The following FAM133B variants were observed in gnomAD, a reference collection of about 807,000 sequenced individuals.
The protein encoded by FAM133B is protein FAM133B.
Under a neutral mutation model 46.4 loss-of-function variants are expected in FAM133B, and 25 were observed. That is an observed-to-expected ratio of 0.54 (90% confidence interval 0.39 to 0.75). The LOEUF (loss-of-function observed/expected upper bound fraction) is 0.75, where lower values mean the gene tolerates loss of function less well. Ranked by LOEUF, FAM133B falls within the 30% of genes least tolerant of loss-of-function variation. The pLI is 0.00. For synonymous variants in FAM133B, 75 were observed against 86.0 expected (o/e 0.87, Z 0.71); for missense variants, 205 against 277.6 (o/e 0.74, Z 1.86).
At chr7:92,588,768 T>C (rs1020076807) in intron 1 of FAM133B, among the ~76,000 whole-genome samples, 1 of 152,116 alleles carries the variant, frequency 6.6e-6, no homozygotes, top group Non-Finnish European at 1.5e-5. Context: ...TGCATAGAGA[T>C]GATTTCTCAA....
chr7:92,573,787 C>G (rs1299771955), intron 8 of FAM133B, among the ~76,000 whole-genome samples: 3 of 151,868 alleles, frequency 2.0e-5, no homozygotes, highest in Non-Finnish European at 1.5e-5. Flanking sequence ...TTTCCTTGAT[C>G]AGTTAATATG....
intron 7 of FAM133B, 115 bp downstream of exon 7, chr7:92,576,988 G>T: frequency 3.8e-6 from 2 of 530,732 alleles, no homozygotes; most frequent in Non-Finnish European, 6.2e-6. Flanking sequence ...AAGTGGCATA[G>T]AACATCAAAG....
intron 7 of FAM133B, 74 bp downstream of exon 7, chr7:92,577,029 T>G: frequency 1.2e-6 from 1 of 864,492 alleles, no homozygotes; most frequent in Non-Finnish European, 1.7e-6. Flanking sequence ...ATTTTTAAAT[T>G]GAGAGCAACT....
intron 2 of FAM133B, among the ~76,000 whole-genome samples, chr7:92,580,262 CATAA>C (rs938925052): frequency 2.0e-5 from 3 of 149,252 alleles, no homozygotes; most frequent in African/African-American, 7.4e-5. Flanking sequence ...AAAAAAAACA[CATAA>C]ATATTTTTTG....
intron 8 of FAM133B, among the ~76,000 whole-genome samples, chr7:92,572,835 G>T (rs982015281): frequency 6.6e-6 from 1 of 152,142 alleles, no homozygotes; most frequent in African/African-American, 2.4e-5. Context: ...TTCATAAAAA[G>T]GAGAACGGAG....
chr7:92,565,032 A>G (rs1794296679), intron 10 of FAM133B, among the ~76,000 whole-genome samples: 2 of 152,280 alleles, frequency 1.3e-5, no homozygotes, highest in South Asian at 4.1e-4. Context: ...TGTTATTACC[A>G]GATTTGGCTG....
At chr7:92,565,458 C>CTT (rs1210807823) in intron 10 of FAM133B, 1 of 141,738 alleles carries the variant, frequency 7.1e-6, no homozygotes, top group African/African-American at 2.6e-5. Context: ...CCCACCTGAG[C>CTT]TTATATATAT....
At chr7:92,584,887 AGCCAGG>A (rs1794996078) in intron 1 of FAM133B, among the ~76,000 whole-genome samples, 2 of 152,122 alleles carry the variant, frequency 1.3e-5, no homozygotes, top group African/African-American at 4.8e-5. Flanking sequence ...TGGCCCAAAA[AGCCAGG>A]TGCACTGGCT....
At chr7:92,581,662 C>G (rs1473920615) in intron 1 of FAM133B, 59 bp from the exon 2 acceptor site, 53 of 1,326,446 alleles carry the variant, frequency 4.0e-5, no homozygotes, top group Non-Finnish European at 5.4e-5. Context: ...CAAAACCTCA[C>G]TTACTCATCA....
chr7:92,569,720 G>T, intron 9 of FAM133B, 103 bp downstream of exon 9: 1 of 563,770 alleles, frequency 1.8e-6, no homozygotes, highest in Non-Finnish European at 2.9e-6. Flanking sequence ...TACTAGAAAG[G>T]TGAATAAATT....
intron 1 of FAM133B, among the ~76,000 whole-genome samples, chr7:92,585,844 G>C (rs111276517): frequency 6.6e-6 from 1 of 152,078 alleles, no homozygotes; most frequent in Non-Finnish European, 1.5e-5. Context: ...CATTATTATA[G>C]TAATAAAGGT....
At chr7:92,590,239 C>T (rs1458894933) in intron 1 of FAM133B, 29 bp downstream of exon 1, 6 of 1,613,598 alleles carry the variant, frequency 3.7e-6, no homozygotes, top group African/African-American at 1.3e-5. Context: ...CCCTGCGTCG[C>T]CCCACTGTTT....
At chr7:92,566,729 A>G (rs1002998535) in intron 9 of FAM133B, among the ~76,000 whole-genome samples, 2 of 152,222 alleles carry the variant, frequency 1.3e-5, no homozygotes, top group Non-Finnish European at 1.5e-5. Context: ...TAAAATGTAG[A>G]TAATATCCAC....
intron 1 of FAM133B, among the ~76,000 whole-genome samples, chr7:92,583,393 C>T (rs977166110): frequency 1.6e-4 from 24 of 152,132 alleles, no homozygotes; most frequent in Admixed American, 2.6e-4. Context: ...ATGATGGTTG[C>T]ACAACACTAT....
Position 92,590,287 on chromosome 7 carries a change from C to G in FAM133B, c.5G>C (p.Gly2Ala), listed in dbSNP as rs1795164013. 6.2e-7 allele frequency: 1 copy of G among 1,613,754 alleles called. No individual in the cohort carries two copies. Among genetic ancestry groups the G allele is most frequent in the Non-Finnish European group, 8.5e-7 (1 of 1,179,786 alleles). The change falls in exon 1 of 11, where the codon GGG becomes GCG. Residue 2 changes from glycine (G) to alanine (A), a missense_variant. By Grantham distance (60) the Gly-to-Ala change is moderately conservative. Transcript: ENST00000445716. MGKRDNRVAYMN... is the reference protein window; with the variant it reads MAKRDNRVAYMN... ...ACTCACCACCCGATTGTCCCGCTTC[C>G]CCATGGTGCTGGATCGAGCGCACAG...
intron 8 of FAM133B, among the ~76,000 whole-genome samples, chr7:92,571,522 G>A (rs1327229329): frequency 6.6e-6 from 1 of 152,104 alleles, no homozygotes; most frequent in East Asian, 1.9e-4. Flanking sequence ...GAGTTTTGAG[G>A]CATAAGCCTT....
rs528843814 is a variant in FAM133B, at chr7:92,577,258, T to G, written c.373-63A>C. On this transcript the variant is annotated intron_variant, in intron 6 of 10. Coordinates refer to ENST00000445716, the MANE Select transcript of FAM133B (RefSeq NM_152789.4). ...TCAAAAATCTAATTTACACATTTAT[T>G]AATATAAAACTTTTATCAGTGAACA... 106 of 1,183,590 alleles carry G rather than the reference T, an allele frequency of 9.0e-5. 1 individual carries two copies. The Middle Eastern group carries it at 1.0e-3, about 12-fold the overall frequency. 73.3% of individuals were successfully genotyped at this position (1,183,590 alleles called of 1,614,324 possible).
chr7:92,576,005 G>C (rs1299561451), intron 7 of FAM133B, among the ~76,000 whole-genome samples, 184 bp from the exon 8 acceptor site: 4 of 152,108 alleles, frequency 2.6e-5, no homozygotes, highest in African/African-American at 7.2e-5. Context: ...AAGCAAACAG[G>C]CTTCTTTATC....
chr7:92,576,456 G>A (rs1328166116), intron 7 of FAM133B, among the ~76,000 whole-genome samples: 2 of 151,808 alleles, frequency 1.3e-5, no homozygotes, highest in Admixed American at 6.6e-5. Context: ...TCTCACGGGG[G>A]CAGGCAGCTA....
Sources: allele counts gnomAD v4.1 joint callset (sites outside exome capture counted in the v4.1 genomes callset), GRCh38; gene constraint gnomAD v4.1.1; transcripts MANE v1.5; gene names NCBI Gene and HGNC (gene_info 2026-07-23, HGNC 2026-07-21).